The following TMEFF2 variants were observed in gnomAD, a reference collection of about 807,000 sequenced individuals.
TMEFF2 encodes tomoregulin-2.
TMEFF2 carries 28 observed loss-of-function variants against 53.8 expected under a neutral mutation model. The ratio of observed to expected loss-of-function variants is 0.52; its 90% CI spans 0.39 to 0.71. The LOEUF is 0.71. Ranked by LOEUF, TMEFF2 falls within the 30% of genes least tolerant of loss-of-function variation. The pLI is 0.00. For missense variants in TMEFF2, 353 were observed against 455.2 expected (o/e 0.78, Z 2.04); for synonymous variants, 162 against 166.3 (o/e 0.97, Z 0.20).
intron 4 of TMEFF2, among the ~76,000 whole-genome samples, chr2:192,070,953 T>G (rs1688280856): frequency 1.3e-5 from 2 of 151,748 alleles, no homozygotes; most frequent in African/African-American, 4.8e-5. Flanking sequence ...GACTAATGAG[T>G]TGTCGAGTGG....
At chr2:192,128,849 C>A in intron 4 of TMEFF2, among the ~76,000 whole-genome samples, 1 of 152,160 alleles carries the variant, frequency 6.6e-6, no homozygotes. Context: ...CTGTTGCTCA[C>A]AGAAAATGCA....
intron 5 of TMEFF2, among the ~76,000 whole-genome samples, chr2:192,033,540 T>TTA (rs59060584): frequency 6.7e-6 from 1 of 148,892 alleles, no homozygotes; most frequent in Non-Finnish European, 1.5e-5. Context: ...TTTTTTTTTT[T>TTA]ACACAAAACC....
chr2:192,126,059 G>C (rs1253435807), intron 4 of TMEFF2, among the ~76,000 whole-genome samples: 2 of 152,068 alleles, frequency 1.3e-5, no homozygotes, highest in African/African-American at 4.8e-5. Context: ...TTTGTTTTTT[G>C]AAAATATACC....
intron 4 of TMEFF2, among the ~76,000 whole-genome samples, chr2:192,143,998 C>G (rs941227455): frequency 6.6e-6 from 1 of 152,100 alleles, no homozygotes; most frequent in African/African-American, 2.4e-5. Flanking sequence ...AGTGGTTACA[C>G]TACAAAAATA....
chr2:192,133,465 T>C (rs534270184), intron 4 of TMEFF2, among the ~76,000 whole-genome samples: 1 of 152,334 alleles, frequency 6.6e-6, no homozygotes, highest in South Asian at 2.1e-4. Flanking sequence ...TGCTACAGCA[T>C]GGCCTTTTAA....
At chr2:192,000,224 ATAGAT>A (rs1401445667) in intron 5 of TMEFF2, among the ~76,000 whole-genome samples, 1 of 152,100 alleles carries the variant, frequency 6.6e-6, no homozygotes, top group East Asian at 1.9e-4. Flanking sequence ...GTTTTTGTAA[ATAGAT>A]TATATGTTTC....
At chr2:192,058,019 C>T (rs945704284) in intron 4 of TMEFF2, among the ~76,000 whole-genome samples, 1 of 152,126 alleles carries the variant, frequency 6.6e-6, no homozygotes, top group Admixed American at 6.5e-5. Context: ...AAACAAAAAG[C>T]ATGTGAGTTT....
At chr2:192,136,717 C>G (rs1690016703) in intron 4 of TMEFF2, among the ~76,000 whole-genome samples, 1 of 152,114 alleles carries the variant, frequency 6.6e-6, no homozygotes, top group Non-Finnish European at 1.5e-5. Flanking sequence ...CCTCTCTCTC[C>G]ACACACATTT....
At chr2:192,085,797 T>C (rs1297385390) in intron 4 of TMEFF2, among the ~76,000 whole-genome samples, 1 of 151,942 alleles carries the variant, frequency 6.6e-6, no homozygotes, top group African/African-American at 2.4e-5. Flanking sequence ...TGTACAAATC[T>C]GATCACGAAG....
At chr2:192,192,803 C>T (rs74340477) in intron 1 of TMEFF2, among the ~76,000 whole-genome samples, 2 of 152,132 alleles carry the variant, frequency 1.3e-5, no homozygotes, top group African/African-American at 4.8e-5. Flanking sequence ...TTTTTGCAGG[C>T]TCATAATTAT....
intron 7 of TMEFF2, among the ~76,000 whole-genome samples, chr2:191,962,654 C>T (rs1692307266): frequency 6.6e-6 from 1 of 152,138 alleles, no homozygotes; most frequent in African/African-American, 2.4e-5. Context: ...AACTTGTATG[C>T]AACATTTTCA....
At chr2:192,142,634 T>C (rs998042917) in intron 4 of TMEFF2, among the ~76,000 whole-genome samples, 1 of 152,122 alleles carries the variant, frequency 6.6e-6, no homozygotes. Context: ...TAAAGAAGTG[T>C]TAACTAAAAA....
intron 4 of TMEFF2, among the ~76,000 whole-genome samples, chr2:192,066,990 A>G (rs767208224): frequency 4.6e-5 from 7 of 151,824 alleles, no homozygotes; most frequent in Non-Finnish European, 1.0e-4. Flanking sequence ...TAAATTATAA[A>G]CAATCGCTTG....
At chr2:192,003,926 T>G (rs1029800956) in intron 5 of TMEFF2, among the ~76,000 whole-genome samples, 71 of 96,410 alleles carry the variant, frequency 7.4e-4, no homozygotes, top group African/African-American at 2.6e-3. Context: ...TGTGTGTGTG[T>G]GTGGGGGGGG....
intron 4 of TMEFF2, among the ~76,000 whole-genome samples, chr2:192,144,080 C>T (rs1449871992): frequency 6.6e-6 from 1 of 152,052 alleles, no homozygotes; most frequent in Non-Finnish European, 1.5e-5. Context: ...CATAAGTCTT[C>T]ATTTATGTGG....
chr2:192,171,881 T>C (rs937065546), intron 4 of TMEFF2, among the ~76,000 whole-genome samples: 1 of 152,054 alleles, frequency 6.6e-6, no homozygotes, highest in Non-Finnish European at 1.5e-5. Context: ...TTCCAAGAAA[T>C]AAGTTCTACA....
chr2:192,003,185 T>G (rs556526263), intron 5 of TMEFF2, among the ~76,000 whole-genome samples: 1 of 152,304 alleles, frequency 6.6e-6, no homozygotes, highest in Admixed American at 6.5e-5. Flanking sequence ...CAATTTTACA[T>G]TCTTAAAGAA....
At chr2:191,976,817 T>C (rs1348680102) in intron 7 of TMEFF2, among the ~76,000 whole-genome samples, 1 of 152,222 alleles carries the variant, frequency 6.6e-6, no homozygotes, top group Non-Finnish European at 1.5e-5. Context: ...CAGATACCTA[T>C]ACACACTTAT....
chr2:192,178,270 G>A (rs1389829370), intron 4 of TMEFF2: 3 of 150,062 alleles, frequency 2.0e-5, no homozygotes, highest in Non-Finnish European at 3.0e-5. Context: ...ATATTCCCAT[G>A]GTAAAACATC....
Sources: allele counts gnomAD v4.1 joint callset (sites outside exome capture counted in the v4.1 genomes callset), GRCh38; gene constraint gnomAD v4.1.1; transcripts MANE v1.5; gene names NCBI Gene and HGNC (gene_info 2026-07-23, HGNC 2026-07-21).